Variants in ALK observed in about 807,000 individuals in gnomAD.
The protein encoded by ALK is ALK receptor tyrosine kinase.
In ALK, 74 loss-of-function variants were observed where a neutral mutation model predicts 163.1. That is an observed-to-expected ratio of 0.45 (90% CI 0.38 to 0.55). ALK has a LOEUF of 0.55. Ranked by LOEUF, ALK falls within the 20% of genes least tolerant of loss-of-function variation. ALK has a pLI of 0.00. For missense variants in ALK, 2,063 were observed against 2,105.3 expected, an observed-to-expected ratio of 0.98 and a Z score of 0.39; for synonymous variants, 960 against 843.2, an observed-to-expected ratio of 1.14 and a Z score of -2.40.
intron 3 of ALK, among the ~76,000 whole-genome samples, chr2:29,647,145 C>G (rs1676899983): frequency 1.3e-5 from 2 of 152,176 alleles, no homozygotes; most frequent in Admixed American, 6.5e-5. Context: ...TTGAATACAA[C>G]TGCTCCTAGT....
At chr2:29,693,045 T>G (rs1160207144) in intron 3 of ALK, among the ~76,000 whole-genome samples, 2 of 152,104 alleles carry the variant, frequency 1.3e-5, no homozygotes, top group African/African-American at 4.8e-5. Flanking sequence ...GGTATAGCCA[T>G]GAAGAAGAGC....
At chr2:29,783,514 A>G (rs1211306468) in intron 1 of ALK, among the ~76,000 whole-genome samples, 2 of 152,212 alleles carry the variant, frequency 1.3e-5, no homozygotes, top group Non-Finnish European at 2.9e-5. Flanking sequence ...TCAAAGACCC[A>G]CAACTGCCCA....
At chr2:29,905,884 T>C (rs1030074002) in intron 1 of ALK, among the ~76,000 whole-genome samples, 1 of 152,206 alleles carries the variant, frequency 6.6e-6, no homozygotes, top group African/African-American at 2.4e-5. Context: ...TTGAGACCGC[T>C]GTCTGGCCCC....
Position 29,229,080 on chromosome 2 carries a change from T to G in ALK, c.2633-14A>C, listed in dbSNP as rs145204128. On this transcript the variant is annotated splice_polypyrimidine_tract_variant and intron_variant, in intron 15 of 28. Transcript: ENST00000389048. ...CACCTCCACCACCTGCGGGAAGAGA[T>G]AGGGAACCTGCGTGAGGATGCTGGC... 1 of 1,613,068 alleles carries G rather than the reference T, an allele frequency of 6.2e-7. No individual in the cohort carries two copies. The highest frequency in any genetic ancestry group is 8.5e-7 in the Non-Finnish European group (1 of 1,179,374).
rs80098307 is a variant in ALK at position 29,207,565 on chromosome 2, T to C, written c.3837-293A>G. On this transcript the variant is annotated intron_variant, in intron 25 of 28. Coordinates refer to ENST00000389048, the MANE Select transcript of ALK (RefSeq NM_004304.5). ...GTTTAGCTTTCTCTGTTGGGTTTTGTTTATTATAGCTCACAATGAATAACA... is the reference window on the plus strand; with the variant it reads ...GTTTAGCTTTCTCTGTTGGGTTTTGCTTATTATAGCTCACAATGAATAACA... Among the ~76,000 whole-genome samples, 2,767 of 152,352 alleles carry C rather than the reference T, an allele frequency of 0.018. 88 individuals carry two copies. The highest frequency in any genetic ancestry group is 0.063 in the African/African-American group (2,622 of 41,562).
chr2:29,454,093 T>C (rs1026794259), intron 4 of ALK, among the ~76,000 whole-genome samples: 2 of 152,190 alleles, frequency 1.3e-5, no homozygotes, highest in African/African-American at 4.8e-5. Flanking sequence ...CCTGAGGGCT[T>C]GCATATGTGA....
At chr2:29,755,665 CTTG>C (rs1680500496) in intron 1 of ALK, among the ~76,000 whole-genome samples, 1 of 152,128 alleles carries the variant, frequency 6.6e-6, no homozygotes, top group South Asian at 2.1e-4. Flanking sequence ...TTCTAATTAT[CTTG>C]TTTTTTACGA....
intron 28 of ALK, 136 bp downstream of exon 28, chr2:29,196,634 A>G: frequency 1.3e-6 from 1 of 750,636 alleles, no homozygotes; most frequent in African/African-American, 1.7e-5. Context: ...TTCATTTTAG[A>G]GAAAATTAAT....
intron 1 of ALK, among the ~76,000 whole-genome samples, chr2:29,915,017 A>T (rs940355206): frequency 1.3e-5 from 2 of 152,258 alleles, no homozygotes; most frequent in African/African-American, 4.8e-5. Context: ...AAATGTGAAC[A>T]TGCTTTATAA....
intron 11 of ALK, among the ~76,000 whole-genome samples, chr2:29,259,973 G>A (rs991698010): frequency 2.0e-5 from 3 of 151,994 alleles, no homozygotes; most frequent in African/African-American, 7.2e-5. Context: ...ACTTATTAGA[G>A]AAGGAAATTT....
At chr2:29,824,630 G>T (rs1225599964) in intron 1 of ALK, among the ~76,000 whole-genome samples, 2 of 152,238 alleles carry the variant, frequency 1.3e-5, no homozygotes, top group African/African-American at 4.8e-5. Context: ...TTTCAAACTT[G>T]CACAGGGCCT....
At chr2:29,282,798 A>C (rs1376198762) in intron 9 of ALK, among the ~76,000 whole-genome samples, 1 of 152,054 alleles carries the variant, frequency 6.6e-6, no homozygotes, top group Non-Finnish European at 1.5e-5. Flanking sequence ...ACCCTTCCAC[A>C]TTCTCAGTTT....
In ALK at chr2:29,592,893, A is replaced by G. The variant is rs142330720; in HGVS notation, c.953-60777T>C. Among the ~76,000 whole-genome samples, 273 of 152,242 alleles carry G rather than the reference A, an allele frequency of 1.8e-3. 2 individuals carry two copies. Among genetic ancestry groups the G allele is most frequent in the African/African-American group, 6.2e-3 (257 of 41,538 alleles). ...ACCAGAACTGGAAGAGGCAAGAATGAATTCTCCCTGGAGTCTTGGGAGGGA... is the reference window on the plus strand; with the variant it reads ...ACCAGAACTGGAAGAGGCAAGAATGGATTCTCCCTGGAGTCTTGGGAGGGA... On this transcript the variant is annotated intron_variant, in intron 3 of 28. Transcript: ENST00000389048.
chr2:29,893,319 A>G (rs1667193135), intron 1 of ALK, among the ~76,000 whole-genome samples: 1 of 152,042 alleles, frequency 6.6e-6, no homozygotes, highest in African/African-American at 2.4e-5. Flanking sequence ...CTGATGAGTG[A>G]CCCTGCTCCT....
At chr2:29,511,511 G>T (rs1672514937) in intron 4 of ALK, among the ~76,000 whole-genome samples, 1 of 152,112 alleles carries the variant, frequency 6.6e-6, no homozygotes, top group South Asian at 2.1e-4. Flanking sequence ...CCATAGTATA[G>T]ATAAACCACA....
Position 29,227,550 on chromosome 2 carries a change from T to C in ALK, c.2914+24A>G. ...GGAGGACTGACCTAAGCAAGTTTGT[T>C]CTGCTGCCTGGCAGAGAAGCTACCT... On this transcript the variant is annotated intron_variant, in intron 17 of 28. Transcript: ENST00000389048. The surrounding 1 kb of genome is among the most constrained non-coding windows in gnomAD (Gnocchi z 4.4). 6.3e-7 allele frequency: 1 copy of C among 1,597,332 alleles called. No homozygotes were observed. Among genetic ancestry groups the C allele is most frequent in the African/African-American group, 1.3e-5 (1 of 74,672 alleles).
At chr2:29,254,868 T>C (rs1022537103) in intron 11 of ALK, among the ~76,000 whole-genome samples, 1 of 152,226 alleles carries the variant, frequency 6.6e-6, no homozygotes, top group Non-Finnish European at 1.5e-5. Flanking sequence ...CATTTCTCAA[T>C]AAAAGGGACC....
At position 29,300,141 on chromosome 2, in the gene ALK, G is replaced by T. The variant is rs575648767; in HGVS notation, c.1648-3084C>A. Among the ~76,000 whole-genome samples the T allele has an allele frequency of 3.7e-4, 56 of 152,322 alleles. No homozygotes were observed. The South Asian group carries it at 0.011, about 29-fold the overall frequency. ...CCATGTATAGGGGAGCCCATGCAGG[G>T]TCACTGTAGATCTTGCCTAAGAGGG... On this transcript the variant is annotated intron_variant, in intron 8 of 28. Coordinates refer to ENST00000389048, the MANE Select transcript of ALK (RefSeq NM_004304.5).
At chr2:29,300,089 G>A (rs1424857719) in intron 8 of ALK, among the ~76,000 whole-genome samples, 1 of 152,204 alleles carries the variant, frequency 6.6e-6, no homozygotes, top group Admixed American at 6.5e-5. Flanking sequence ...AGAAATGCAT[G>A]AGTGTTGCAT....
Sources: gnomAD v4.1 joint callset for allele counts (sites outside exome capture counted in the v4.1 genomes callset) on GRCh38, gnomAD v4.1.1 for gene constraint, Gnocchi (gnomAD v3.1) non-coding constraint, MANE v1.5 for transcripts, NCBI Gene and HGNC (gene_info 2026-07-23, HGNC 2026-07-21) for gene names.